BEND5: variants seen among roughly 807,000 people sequenced by gnomAD.
BEND5 encodes BEN domain-containing protein 5.
A neutral mutation model predicts 43.9 loss-of-function variants in BEND5; 22 were observed. The ratio of observed to expected loss-of-function variants is 0.50; its 90% CI spans 0.36 to 0.72. The LOEUF (loss-of-function observed/expected upper bound fraction) is 0.72. Ranked by LOEUF, BEND5 falls within the 30% of genes least tolerant of loss-of-function variation. The probability of loss-of-function intolerance (pLI) is 0.00; values close to 1 mark genes in which losing one functional copy is unlikely to be tolerated. For synonymous variants in BEND5, 228 were observed against 225.9 expected, an observed-to-expected ratio of 1.01 and a Z score of -0.08; for missense variants, 428 against 550.6, an observed-to-expected ratio of 0.78 and a Z score of 2.23.
chr1:48,751,001 G>C (rs1651645863), intron 3 of BEND5, among the ~76,000 whole-genome samples: 1 of 152,162 alleles, frequency 6.6e-6, no homozygotes, highest in African/African-American at 2.4e-5. Context: ...CATGTTGGCT[G>C]AACACAAACC....
intron 3 of BEND5, among the ~76,000 whole-genome samples, chr1:48,757,468 G>GGA (rs775622099): frequency 4.9e-4 from 74 of 152,296 alleles, no homozygotes; most frequent in Non-Finnish European, 7.8e-4. Flanking sequence ...AATGGCCAAG[G>GGA]CAATGGTAGA....
Position 48,759,182 on chromosome 1 carries a change from A to C in BEND5, c.463T>G (p.Cys155Gly). Residue 155 changes from cysteine (C) to glycine (G), a missense_variant, in exon 3 of 6, where the codon TGT becomes GGT. Physicochemically the swap from Cys to Gly is radical, Grantham distance 159 (BLOSUM62 -3). Around this residue, in one of 4 missense-constraint regions of BEND5, gnomAD observed 243 missense variants for 286.4 expected, o/e 0.85. Coordinates refer to ENST00000371833, the MANE Select transcript of BEND5 (RefSeq NM_024603.4). ...GCCTCCACGAAGACCTCTTCCGGAC[A>C]CGTGCTATGGCCCAGGCTCAGGCCG... ...QNGLSLGHSTCPEEVFVEASP... is the reference protein window; with the variant it reads ...QNGLSLGHSTGPEEVFVEASP... The C allele has an allele frequency of 6.2e-7, 1 of 1,613,904 alleles. No individual in the cohort carries two copies. The highest frequency in any genetic ancestry group is 8.5e-7 in the Non-Finnish European group (1 of 1,179,898).
At chr1:48,755,674 C>A (rs552369533) in intron 3 of BEND5, among the ~76,000 whole-genome samples, 1 of 152,160 alleles carries the variant, frequency 6.6e-6, no homozygotes, top group East Asian at 1.9e-4. Flanking sequence ...GGATCTGTTA[C>A]AGCAAGGGGA....
intron 5 of BEND5, among the ~76,000 whole-genome samples, chr1:48,733,442 T>C (rs1648481506): frequency 6.6e-6 from 1 of 152,162 alleles, no homozygotes; most frequent in African/African-American, 2.4e-5. Context: ...TTTTCCTCTG[T>C]GAAAGAAGAG....
rs868628793 is a variant in BEND5 at position 48,728,020 on chromosome 1, G to A, written c.1132C>T (p.Gln378Ter). 1 of 1,610,658 alleles carries A rather than the reference G, an allele frequency of 6.2e-7. No homozygotes were observed. Among genetic ancestry groups the A allele is most frequent in the Non-Finnish European group, 8.5e-7 (1 of 1,177,876 alleles). The part of the protein sequence containing the change: ...VRECLYDRIA[Q>*]ETVDETEIAQ... ...ATTTCAGTTTCATCCACAGTTTCTT[G>A]TGCTATTCTGTCATACAAACACTCT... The change falls in exon 6 of 6, where the codon CAA becomes TAA. Residue 378 changes from glutamine (Q) to a stop codon, truncating the protein, a stop_gained. Coordinates refer to ENST00000371833, the MANE Select transcript of BEND5 (RefSeq NM_024603.4). LOFTEE classifies it high-confidence loss of function.
intron 5 of BEND5, among the ~76,000 whole-genome samples, chr1:48,729,254 C>G (rs1467153833): frequency 6.6e-6 from 1 of 152,116 alleles, no homozygotes; most frequent in East Asian, 1.9e-4. Flanking sequence ...GTGTTTGGCA[C>G]AGTGGCAAAC....
rs748167950 is a variant in BEND5, at chr1:48,776,596, G to T, written c.226+10C>A. The T allele has an allele frequency of 1.9e-5, 22 of 1,149,636 alleles. No individual in the cohort carries two copies. Among genetic ancestry groups the T allele is most frequent in the South Asian group, 1.8e-4 (11 of 62,352 alleles). 71.2% of individuals were successfully genotyped at this position (1,149,636 alleles called of 1,614,324 possible). A position where few individuals can be genotyped will look rare whatever the true frequency, so the allele number is the denominator to read the frequency against. The stretch of plus-strand genomic sequence containing the variant: ...CGGGTCCCACCGTCCCTCCCCGCCC[G>T]CTTGCTCACCTGCCAGCGCCAGGAT... On this transcript the variant is annotated intron_variant, in intron 1 of 5. Coordinates refer to ENST00000371833, the MANE Select transcript of BEND5 (RefSeq NM_024603.4).
intron 3 of BEND5, among the ~76,000 whole-genome samples, chr1:48,744,502 G>C (rs780823185): frequency 1.1e-4 from 16 of 151,886 alleles, no homozygotes; most frequent in Admixed American, 2.0e-4. Flanking sequence ...TCAGTCAACA[G>C]AAAAAAAATA....
chr1:48,774,718 C>T (rs976362625), intron 1 of BEND5, among the ~76,000 whole-genome samples: 4 of 152,154 alleles, frequency 2.6e-5, no homozygotes, highest in East Asian at 1.9e-4. Context: ...GGACTTGTGT[C>T]GATTTCAAAA....
Position 48,736,132 on chromosome 1 carries a change from G to A in BEND5, c.1108+107C>T. On this transcript the variant is annotated intron_variant, in intron 5 of 5. Coordinates refer to ENST00000371833, the MANE Select transcript of BEND5 (RefSeq NM_024603.4). The surrounding 1 kb of genome is among the most constrained non-coding windows in gnomAD (Gnocchi z 4.0). ...GTCCCCGGGCTCAGCCCAGGGTCTG[G>A]CATGCAGAAGCTTCATAAGTAATCG... The A allele has an allele frequency of 7.7e-7, 1 of 1,293,780 alleles. No individual in the cohort carries two copies. Among genetic ancestry groups the A allele is most frequent in the Non-Finnish European group, 1.1e-6 (1 of 906,076 alleles). The allele number at this position is 1,293,780 out of a possible 1,614,324, so 80.1% of individuals were successfully genotyped here.
chr1:48,756,588 C>T (rs537859529), intron 3 of BEND5, among the ~76,000 whole-genome samples: 1 of 152,260 alleles, frequency 6.6e-6, no homozygotes, highest in African/African-American at 2.4e-5. Flanking sequence ...TTCCCAAAGC[C>T]ACAGAGTTGG....
intron 4 of BEND5, among the ~76,000 whole-genome samples, chr1:48,741,559 G>T (rs1230747627): frequency 6.6e-6 from 1 of 152,232 alleles, no homozygotes; most frequent in African/African-American, 2.4e-5. Context: ...GAGATGCAGG[G>T]AACGACACCA....
At chr1:48,757,110 T>C (rs1038873161) in intron 3 of BEND5, among the ~76,000 whole-genome samples, 8 of 152,216 alleles carry the variant, frequency 5.3e-5, no homozygotes, top group Non-Finnish European at 1.0e-4. Flanking sequence ...TTCATAATCA[T>C]GAAAAACAGG....
intron 3 of BEND5, among the ~76,000 whole-genome samples, chr1:48,747,299 A>G (rs1650924907): frequency 6.6e-6 from 1 of 152,180 alleles, no homozygotes; most frequent in South Asian, 2.1e-4. Flanking sequence ...CACACACTTG[A>G]GGTTTATTTT....
chr1:48,750,228 C>T (rs1325608350), intron 3 of BEND5, among the ~76,000 whole-genome samples: 1 of 152,172 alleles, frequency 6.6e-6, no homozygotes, highest in Non-Finnish European at 1.5e-5. Context: ...CCCCAGCCCA[C>T]TCCAATGGGG....
rs1171221722 is a variant in BEND5 at position 48,758,883 on chromosome 1, C to A, written c.745+17G>T. On this transcript the variant is annotated intron_variant, in intron 3 of 5. Transcript: ENST00000371833. ...TTCACCCAAGTGGAGTGGTAGGTGACCTGCTGGGGCACTCACCGCTGCCAA... is the reference window on the plus strand; with the variant it reads ...TTCACCCAAGTGGAGTGGTAGGTGAACTGCTGGGGCACTCACCGCTGCCAA... 5 of 1,491,520 alleles carry A rather than the reference C, an allele frequency of 3.4e-6. No individual in the cohort carries two copies. Among genetic ancestry groups the A allele is most frequent in the Non-Finnish European group, 4.4e-6 (5 of 1,123,876 alleles). 92.4% of individuals were successfully genotyped at this position (1,491,520 alleles called of 1,614,324 possible). A position where few individuals can be genotyped will look rare whatever the true frequency, so the allele number is the denominator to read the frequency against.
At chr1:48,739,608 G>C (rs1210979057) in intron 4 of BEND5, among the ~76,000 whole-genome samples, 3 of 152,114 alleles carry the variant, frequency 2.0e-5, no homozygotes, top group Non-Finnish European at 2.9e-5. Context: ...GGTTAACTTG[G>C]GCCAGTCACT....
intron 1 of BEND5, among the ~76,000 whole-genome samples, chr1:48,770,476 T>C (rs1198122352): frequency 6.6e-6 from 1 of 152,184 alleles, no homozygotes; most frequent in East Asian, 1.9e-4. Flanking sequence ...GGCTCTTCTT[T>C]AACTGTGCCT....
rs1644097515 is a variant in BEND5 at position 48,758,888 on chromosome 1, T to C, written c.745+12A>G. ...CCAAGTGGAGTGGTAGGTGACCTGC[T>C]GGGGCACTCACCGCTGCCAAGCCGC... On this transcript the variant is annotated intron_variant, in intron 3 of 5. Transcript: ENST00000371833. 5 of 1,502,022 alleles carry C rather than the reference T, an allele frequency of 3.3e-6. No homozygotes were observed. The highest frequency in any genetic ancestry group is 2.2e-5 in the Admixed American group (1 of 44,754). 93.0% of individuals were successfully genotyped at this position (1,502,022 alleles called of 1,614,324 possible). A position where few individuals can be genotyped will look rare whatever the true frequency, so the allele number is the denominator to read the frequency against.
Sources: gnomAD v4.1 joint callset for allele counts (sites outside exome capture counted in the v4.1 genomes callset) on GRCh38, gnomAD v4.1.1 for gene constraint, gnomAD v4.1.1 regional missense constraint, Gnocchi (gnomAD v3.1) non-coding constraint, MANE v1.5 for transcripts, NCBI Gene and HGNC (gene_info 2026-07-23, HGNC 2026-07-21) for gene names.